The following MUC5B variants were observed in gnomAD, a reference collection of about 807,000 sequenced individuals.
MUC5B encodes mucin 5B, oligomeric mucus/gel-forming.
In MUC5B, 116 loss-of-function variants were observed where a neutral mutation model predicts 376.9. The ratio of observed to expected loss-of-function variants is 0.31; its 90% CI spans 0.26 to 0.36. The LOEUF (loss-of-function observed/expected upper bound fraction) is 0.36. MUC5B is among the 10% of genes least tolerant of loss of function. The pLI, the probability that MUC5B is intolerant of heterozygous loss-of-function variation, is 1.00. For synonymous variants in MUC5B, 3,517 were observed against 3,390.9 expected (o/e 1.04, Z -1.29); for missense variants, 7,165 against 7,769.9 (o/e 0.92, Z 2.93).
chr11:1,246,252 C>G lies in MUC5B; in HGVS notation c.9372C>G (p.Thr3124=), dbSNP rs1383989380. 2.5e-6 allele frequency: 4 copies of G among 1,611,500 alleles called. No homozygotes were observed. Among genetic ancestry groups the G allele is most frequent in the South Asian group, 1.1e-5 (1 of 90,942 alleles). ...CAAGGGCCACCAGTTCCATGTCCAC[C>G]CCCTCCTCCACTCCGGGGACGACCT... ...TTTRATSSMS[T]PSSTPGTTWI... The change falls in exon 31 of 49, where the codon ACC becomes ACG. Residue 3124 remains threonine (T), a synonymous_variant. Transcript: ENST00000529681.
At chr11:1,251,970 G>C (rs1289626385) in intron 31 of MUC5B, among the ~76,000 whole-genome samples, 1 of 149,136 alleles carries the variant, frequency 6.7e-6, no homozygotes, top group African/African-American at 2.5e-5. Context: ...GCCACACTTG[G>C]TCCCCACTGG....
chr11:1,226,570 T>TG (rs1344865847), intron 3 of MUC5B, 45 bp from the exon 4 acceptor site: 8 of 1,576,046 alleles, frequency 5.1e-6, no homozygotes, highest in East Asian at 2.3e-5. Flanking sequence ...GGCTACCCCG[T>TG]GGGGGGCTGG....
At chr11:1,237,192 T>G (rs1590174092) in intron 25 of MUC5B, 28 bp downstream of exon 25, 1 of 1,388,104 alleles carries the variant, frequency 7.2e-7, no homozygotes, top group Admixed American at 3.0e-5. Flanking sequence ...GCAGGCAGGG[T>G]CTGGTGGGGA....
chr11:1,228,676 C>G lies in MUC5B; in HGVS notation c.887C>G (p.Thr296Ser). Residue 296 changes from threonine to serine, a missense_variant, in exon 8 of 49, where the codon ACC (threonine) becomes AGC (serine). Thr to Ser is a moderately conservative substitution (Grantham distance 58, BLOSUM62 1). Coordinates refer to ENST00000529681, the MANE Select transcript of MUC5B (RefSeq NM_002458.3). ...ACAQDLCRCP[T>S]CPCATFVEYS... ...GCCCAGGACCTGTGCCGCTGCCCCA[C>G]CTGCCCGTGTGCCACCTTTGTGGAA... 6.5e-7 allele frequency: 1 copy of G among 1,534,468 alleles called. No homozygotes were observed. Among genetic ancestry groups the G allele is most frequent in the Non-Finnish European group, 8.7e-7 (1 of 1,146,312 alleles).
At position 1,248,129 on chromosome 11, in the gene MUC5B, C is replaced by A. The variant is rs1269699318; in HGVS notation, c.11249C>A (p.Thr3750Asn). The change falls in exon 31 of 49, where the codon ACC becomes AAC. Residue 3750 changes from threonine (T) to asparagine (N), a missense_variant. Thr to Asn is a moderately conservative substitution (Grantham distance 65). Around this residue, in one of 31 missense-constraint regions of MUC5B, gnomAD observed 72 missense variants for 127.8 expected, o/e 0.56. Transcript: ENST00000529681. ...TCCTCCACCCAGGCAACTGCTGGCA[C>A]CCCACATGTGAGCACCACGGCCACG... ...TASSTQATAG[T>N]PHVSTTATTP... 5.6e-6 allele frequency: 9 copies of A among 1,598,236 alleles called. No individual in the cohort carries two copies. Among genetic ancestry groups the A allele is most frequent in the Non-Finnish European group, 6.8e-6 (8 of 1,171,624 alleles).
Position 1,245,076 on chromosome 11 carries a change from A to G in MUC5B, c.8196A>G (p.Thr2732=). The G allele has an allele frequency of 1.3e-6, 2 of 1,536,910 alleles. No homozygotes were observed. The highest frequency in any genetic ancestry group is 1.8e-6 in the Non-Finnish European group (2 of 1,139,250). The change falls in exon 31 of 49, where the codon ACA becomes ACG. Residue 2732 remains threonine (T), a synonymous_variant. Coordinates refer to ENST00000529681, the MANE Select transcript of MUC5B (RefSeq NM_002458.3). ...CCACACCTGCAGCCACCAGCAGCACAGTGACTCCCTCCTCTGCCCTAGGGA... is the reference window on the plus strand; with the variant it reads ...CCACACCTGCAGCCACCAGCAGCACGGTGACTCCCTCCTCTGCCCTAGGGA... The part of the protein sequence containing the change: ...TATTPAATSS[T]VTPSSALGTT...
chr11:1,228,479 C>A, intron 7 of MUC5B, 85 bp from the exon 8 acceptor site: 1 of 1,315,386 alleles, frequency 7.6e-7, no homozygotes, highest in Non-Finnish European at 1.0e-6. Flanking sequence ...GCTTCCCGGC[C>A]TGGCCTGCCA....
At chr11:1,228,356 G>A (rs550123479) in intron 7 of MUC5B, among the ~76,000 whole-genome samples, 35 of 152,326 alleles carry the variant, frequency 2.3e-4, no homozygotes, top group African/African-American at 8.2e-4. Context: ...AGGCACATCC[G>A]GAGTAGGGGA....
At chr11:1,261,327 T>G in intron 48 of MUC5B, 62 bp from the exon 49 acceptor site, 1 of 1,445,936 alleles carries the variant, frequency 6.9e-7, no homozygotes, top group Non-Finnish European at 9.3e-7. Context: ...TGTGTCACCA[T>G]GGCTGGGCAG....
rs2133848303 is a variant in MUC5B, at chr11:1,253,943, C to T, written c.15218-149C>T. ...GGGGGACCCCATTCTACACACTGGA[C>T]CCATTTTTATAGACGAGGCAGCTGA... On this transcript the variant is annotated intron_variant, in intron 33 of 48. Coordinates refer to ENST00000529681, the MANE Select transcript of MUC5B (RefSeq NM_002458.3). The surrounding 1 kb of genome is among the most constrained non-coding windows in gnomAD (Gnocchi z 4.3). The T allele has an allele frequency of 9.1e-7, 1 of 1,094,344 alleles. No homozygotes were observed. Among genetic ancestry groups the T allele is most frequent in the Admixed American group, 2.5e-5 (1 of 39,638 alleles). 67.8% of individuals were successfully genotyped at this position (1,094,344 alleles called of 1,614,324 possible).
Position 1,239,866 on chromosome 11 carries a change from G to T in MUC5B, c.3651G>T (p.Gln1217His), listed in dbSNP as rs1862238177. Residue 1217 changes from glutamine to histidine, a missense_variant, in exon 28 of 49, where the codon CAG becomes CAT. By Grantham distance (24) the Gln-to-His change is conservative. Around this residue, in one of 31 missense-constraint regions of MUC5B, gnomAD observed 517 missense variants for 545.3 expected, o/e 0.95. Coordinates refer to ENST00000529681, the MANE Select transcript of MUC5B (RefSeq NM_002458.3). ...FNEDQMKCVA[Q>H]CGCYDKDGNY... ...AGGACCAGATGAAGTGCGTGGCCCA[G>T]TGTGGCTGCTACGACAAGGACGGAA... 1.9e-6 allele frequency: 3 copies of T among 1,613,048 alleles called. No individual in the cohort carries two copies. The highest frequency in any genetic ancestry group is 2.5e-6 in the Non-Finnish European group (3 of 1,179,632).
In MUC5B at chr11:1,260,088, G is replaced by A. The variant is rs774195971; in HGVS notation, c.16923+3G>A. The A allele has an allele frequency of 1.1e-5, 17 of 1,612,230 alleles. No homozygotes were observed. The South Asian group carries it at 1.5e-4, about 15-fold the overall frequency. ...GCCCAGATGTGTCCAGCTGCAGGGT[G>A]TGTGCTGGAGGCCCTGCCCCTGCCT... On this transcript the variant is annotated splice_donor_region_variant and intron_variant, in intron 46 of 48. Coordinates refer to ENST00000529681, the MANE Select transcript of MUC5B (RefSeq NM_002458.3).
chr11:1,223,355 T>G (rs1397432451), intron 1 of MUC5B, 162 bp downstream of exon 1: 1 of 689,852 alleles, frequency 1.4e-6, no homozygotes, highest in African/African-American at 1.8e-5. Context: ...CACAGGGCTC[T>G]GGGGCCCCAC....
In MUC5B at chr11:1,248,450, C is replaced by G; in HGVS notation, c.11570C>G (p.Pro3857Arg). 1 of 1,610,666 alleles carries G rather than the reference C, an allele frequency of 6.2e-7. No homozygotes were observed. Among genetic ancestry groups the G allele is most frequent in the South Asian group, 1.1e-5 (1 of 90,968 alleles). ...TGSVATPSST[P>R]GTAHTTKVPT... ...TCTGTGGCCACCCCCTCTTCCACCC[C>G]AGGAACAGCTCACACTACCAAAGTG... Residue 3857 changes from proline (P) to arginine (R), a missense_variant, in exon 31 of 49, where the codon CCA (proline) becomes CGA (arginine). Transcript: ENST00000529681.
rs199959506 is a variant in MUC5B at position 1,242,792 on chromosome 11, C to A, written c.5912C>A (p.Thr1971Lys). 1.2e-6 allele frequency: 2 copies of A among 1,610,952 alleles called. No individual in the cohort carries two copies. Among genetic ancestry groups the A allele is most frequent in the Non-Finnish European group, 8.5e-7 (1 of 1,178,060 alleles). Residue 1971 changes from threonine to lysine, a missense_variant, in exon 31 of 49, where the codon ACA (threonine) becomes AAA (lysine). Physicochemically the swap from Thr to Lys is moderately conservative, Grantham distance 78. Coordinates refer to ENST00000529681, the MANE Select transcript of MUC5B (RefSeq NM_002458.3). ...TATALPALRS[T>K]ATTPTATSVT... The stretch of plus-strand genomic sequence containing the variant: ...ACCGCCCTTCCAGCACTGAGAAGCA[C>A]AGCCACCACACCCACAGCTACCAGC...
In MUC5B at chr11:1,248,350, C is replaced by T; in HGVS notation, c.11470C>T (p.Pro3824Ser). ...CACGGCCACCATGTCCACAGCCACA[C>T]CCTCCTCCACTCCAGAGACTGCCCA... ...TPTATMSTAT[P>S]SSTPETAHTS... The change falls in exon 31 of 49, where the codon CCC becomes TCC. Residue 3824 changes from proline (P) to serine (S), a missense_variant. Physicochemically the swap from Pro to Ser is moderately conservative, Grantham distance 74 (BLOSUM62 -1). This residue lies in a region of MUC5B where 242 missense variants were observed against 199.0 expected (regional missense o/e 1.22). Transcript: ENST00000529681. 9 of 1,612,672 alleles carry T rather than the reference C, an allele frequency of 5.6e-6. No individual in the cohort carries two copies. Among genetic ancestry groups the T allele is most frequent in the Non-Finnish European group, 7.6e-6 (9 of 1,179,446 alleles).
chr11:1,258,712 C>T lies in MUC5B; in HGVS notation c.16594-230C>T, dbSNP rs1251715779. Among the ~76,000 whole-genome samples the T allele has an allele frequency of 1.3e-5, 2 of 151,984 alleles. No homozygotes were observed. The highest frequency in any genetic ancestry group is 2.9e-5 in the Non-Finnish European group (2 of 67,948). The stretch of plus-strand genomic sequence containing the variant: ...TTCCTGCCCCCATGGGGTCTCTGCC[C>T]ACCCAGATTCCTGCCCACATGGGGT... On this transcript the variant is annotated intron_variant, in intron 43 of 48. Coordinates refer to ENST00000529681, the MANE Select transcript of MUC5B (RefSeq NM_002458.3). The surrounding 1 kb of genome is among the most constrained non-coding windows in gnomAD (Gnocchi z 5.5).
Position 1,246,574 on chromosome 11 carries a change from C to A in MUC5B, c.9694C>A (p.Pro3232Thr). The change falls in exon 31 of 49, where the codon CCC becomes ACC. Residue 3232 changes from proline (P) to threonine (T), a missense_variant. Physicochemically the swap from Pro to Thr is conservative, Grantham distance 38. This residue lies in a region of MUC5B where 939 missense variants were observed against 770.6 expected (regional missense o/e 1.22). Transcript: ENST00000529681. ...LPALRSTATT[P>T]TATSVTAIPS... is the part of the protein sequence containing the mutation. ...AGCACTGAGAAGCACAGCCACCACA[C>A]CCACAGCTACCAGCGTTACAGCCAT... 2 of 1,613,424 alleles carry A rather than the reference C, an allele frequency of 1.2e-6. No homozygotes were observed. The highest frequency in any genetic ancestry group is 1.7e-6 in the Non-Finnish European group (2 of 1,179,700).
In MUC5B at chr11:1,242,432, T is replaced by C. The variant is rs943922695; in HGVS notation, c.5552T>C (p.Leu1851Pro). ...GTCGGGCAGGTGCTGACCTGCAGCC[T>C]GGAGACGGGGCTGACCTGCAAGAAC... ...DQVGQVLTCS[L>P]ETGLTCKNED... Residue 1851 changes from leucine to proline, a missense_variant, in exon 31 of 49, where the codon CTG (leucine) becomes CCG (proline). Coordinates refer to ENST00000529681, the MANE Select transcript of MUC5B (RefSeq NM_002458.3). The C allele has an allele frequency of 5.0e-6, 8 of 1,613,782 alleles. No homozygotes were observed. Among genetic ancestry groups the C allele is most frequent in the Non-Finnish European group, 6.8e-6 (8 of 1,179,808 alleles).
Sources: allele counts gnomAD v4.1 joint callset (sites outside exome capture counted in the v4.1 genomes callset), GRCh38; gene constraint gnomAD v4.1.1; regional missense constraint gnomAD v4.1.1; non-coding constraint Gnocchi (gnomAD v3.1); transcripts MANE v1.5; gene names NCBI Gene and HGNC (gene_info 2026-07-23, HGNC 2026-07-21).